The following CCDC102B variants were observed in gnomAD, a reference collection of about 807,000 sequenced individuals.
The protein encoded by CCDC102B is coiled-coil domain containing 102B, also known as coiled-coil domain-containing protein 102B.
In CCDC102B, 75 loss-of-function variants were observed where a neutral mutation model predicts 57.4. That is an observed-to-expected ratio of 1.31 (90% CI 1.08 to 1.58). The LOEUF (loss-of-function observed/expected upper bound fraction) is 1.58. Among genes scored for constraint, CCDC102B ranks in the 40% most tolerant of loss-of-function variants. The pLI is 0.00. For synonymous variants in CCDC102B, 206 were observed against 201.9 expected, an observed-to-expected ratio of 1.02 and a Z score of -0.17; for missense variants, 636 against 582.6, an observed-to-expected ratio of 1.09 and a Z score of -0.94.
chr18:68,781,877 A>G lies in CCDC102B; in HGVS notation c.-66-41489A>G, dbSNP rs569134967. Reference sequence around the variant, plus strand: ...AAAGTGAGAAAATGTTTTAATTTCAATTTTTAAGATCTAAGAGATATAACT... The same window carrying G: ...AAAGTGAGAAAATGTTTTAATTTCAGTTTTTAAGATCTAAGAGATATAACT... On this transcript the variant is annotated intron_variant, in intron 2 of 3. Coordinates refer to the CCDC102B transcript ENST00000578970. 2.4e-4 allele frequency among the ~76,000 whole-genome samples: 37 copies of G among 152,212 alleles called. 1 individual carries two copies. The highest frequency in any genetic ancestry group is 4.1e-4 in the South Asian group (2 of 4,826).
chr18:68,802,235 T>C (rs944963335), intron 1 of CCDC102B, among the ~76,000 whole-genome samples: 2 of 152,118 alleles, frequency 1.3e-5, no homozygotes, highest in African/African-American at 4.8e-5. Flanking sequence ...TTACAGGTAT[T>C]GTCAATGGTA....
At chr18:68,835,049 T>C (rs2037307838) in intron 1 of CCDC102B, among the ~76,000 whole-genome samples, 1 of 152,146 alleles carries the variant, frequency 6.6e-6, no homozygotes, top group Non-Finnish European at 1.5e-5. Flanking sequence ...CATGGAACTT[T>C]ATTAATTTAC....
chr18:69,053,408 A>G (rs183215798), intron 7 of CCDC102B, among the ~76,000 whole-genome samples: 1 of 151,854 alleles, frequency 6.6e-6, no homozygotes, highest in Non-Finnish European at 1.5e-5. Flanking sequence ...GGGAATAAAA[A>G]ACACAAGTTA....
At chr18:68,971,829 G>T (rs1001585936) in intron 6 of CCDC102B, among the ~76,000 whole-genome samples, 6 of 151,866 alleles carry the variant, frequency 4.0e-5, no homozygotes, top group Non-Finnish European at 8.8e-5. Context: ...CTACTGGATT[G>T]TACACTTATC....
At chr18:68,760,067 C>A (rs1223992749) in intron 2 of CCDC102B, among the ~76,000 whole-genome samples, 1 of 152,054 alleles carries the variant, frequency 6.6e-6, no homozygotes, top group Admixed American at 6.6e-5. Flanking sequence ...CTTCCTTCTC[C>A]ATTCTACAGG....
chr18:68,956,565 ATATATTT>A lies in CCDC102B; in HGVS notation c.1264-54363_1264-54357del, dbSNP rs1568352825. ...TATATATATAAATATTATATATATTATATATTTTATATATATAAATATTATATATATA... is the reference window on the plus strand; with the variant it reads ...TATATATATAAATATTATATATATTATATATATATAAATATTATATATATA... On this transcript the variant is annotated intron_variant, in intron 6 of 7. Transcript: ENST00000360242. 6.5e-3 allele frequency among the ~76,000 whole-genome samples: 42 copies of A among 6,454 alleles called. 2 individuals are homozygous for A. The highest frequency in any genetic ancestry group is 0.016 in the African/African-American group (41 of 2,636). The allele number at this position is 6,454 out of a possible 152,430, so 4.2% of individuals were successfully genotyped here. A position where few individuals can be genotyped will look rare whatever the true frequency, so the allele number is the denominator to read the frequency against.
At chr18:68,808,895 C>T (rs928682047) in intron 1 of CCDC102B, among the ~76,000 whole-genome samples, 9 of 152,076 alleles carry the variant, frequency 5.9e-5, no homozygotes, top group African/African-American at 2.4e-5. Context: ...TATTTAGATA[C>T]AAGATGAATT....
chr18:68,789,939 T>A (rs1343512757), intron 2 of CCDC102B, among the ~76,000 whole-genome samples: 2 of 151,810 alleles, frequency 1.3e-5, no homozygotes, highest in Non-Finnish European at 2.9e-5. Flanking sequence ...TTCTGTTCTG[T>A]TTTTTCCCCA....
At chr18:68,799,012 T>C (rs1047995289) in intron 1 of CCDC102B, among the ~76,000 whole-genome samples, 2 of 152,074 alleles carry the variant, frequency 1.3e-5, no homozygotes, top group Admixed American at 1.3e-4. Context: ...GATATTCTTA[T>C]TTACATCAAT....
intron 6 of CCDC102B, among the ~76,000 whole-genome samples, chr18:68,950,437 G>A (rs2049664341): frequency 6.6e-6 from 1 of 152,014 alleles, no homozygotes. Flanking sequence ...AATATTAATA[G>A]TAAAAAATGA....
rs538690358 is a variant in CCDC102B, at chr18:68,819,248, G to A, written c.-15-17501G>A. 7.2e-5 allele frequency among the ~76,000 whole-genome samples: 11 copies of A among 152,138 alleles called. No homozygotes were observed. The East Asian group carries it at 2.1e-3, about 29-fold the overall frequency. On this transcript the variant is annotated intron_variant, in intron 1 of 7. Transcript: ENST00000360242. Reference sequence around the variant, plus strand: ...TTTATAGTTTTGTTTTACACTTTTAGTGAGCATTCTATTGGGAACTGACTG... The same window carrying A: ...TTTATAGTTTTGTTTTACACTTTTAATGAGCATTCTATTGGGAACTGACTG...
chr18:68,969,128 C>T (rs553475212), intron 6 of CCDC102B, among the ~76,000 whole-genome samples: 41 of 152,238 alleles, frequency 2.7e-4, no homozygotes, highest in African/African-American at 9.9e-4. Flanking sequence ...CTAGAGAGAG[C>T]ATGCTTATTT....
At chr18:68,853,139 A>G (rs1056267408) in intron 4 of CCDC102B, among the ~76,000 whole-genome samples, 33 of 152,210 alleles carry the variant, frequency 2.2e-4, no homozygotes, top group African/African-American at 8.0e-4. Context: ...GACTACATAC[A>G]GTTTGTAGAT....
intron 6 of CCDC102B, among the ~76,000 whole-genome samples, chr18:68,983,524 G>A (rs2050648450): frequency 6.6e-6 from 1 of 151,960 alleles, no homozygotes; most frequent in Non-Finnish European, 1.5e-5. Flanking sequence ...TTACTAGCCA[G>A]TGATAAAATA....
At chr18:68,828,724 T>C (rs1413988711) in intron 1 of CCDC102B, among the ~76,000 whole-genome samples, 1 of 151,746 alleles carries the variant, frequency 6.6e-6, no homozygotes, top group African/African-American at 2.4e-5. Context: ...TTATTTCTTT[T>C]ATTTAAATTG....
chr18:68,854,079 A>G (rs2038267403), intron 4 of CCDC102B, among the ~76,000 whole-genome samples: 1 of 129,504 alleles, frequency 7.7e-6, no homozygotes, highest in South Asian at 2.7e-4. Flanking sequence ...TGTTAGCATA[A>G]TACTTTTTCT....
intron 6 of CCDC102B, among the ~76,000 whole-genome samples, chr18:68,941,079 A>ATTT (rs756041379): frequency 1.4e-5 from 2 of 144,214 alleles, no homozygotes; most frequent in East Asian, 2.0e-4. Flanking sequence ...ACTATTTGCT[A>ATTT]TTTATTTATT....
chr18:68,931,696 T>G (rs2041678233), intron 6 of CCDC102B, among the ~76,000 whole-genome samples: 1 of 152,056 alleles, frequency 6.6e-6, no homozygotes, highest in South Asian at 2.1e-4. Context: ...GCCTTGTTCT[T>G]GCTTTTTGCT....
chr18:68,810,693 T>TTTTTTTTTTTTTTTTTTTTTTTG (rs1568263271), intron 1 of CCDC102B, among the ~76,000 whole-genome samples: 3 of 139,294 alleles, frequency 2.2e-5, no homozygotes, highest in Non-Finnish European at 4.5e-5. Context: ...TTTTTTTTTT[T>TTTTTTTTTTTTTTTTTTTTTTTG]TTTTTTTTTT....
Sources: allele counts gnomAD v4.1 joint callset (sites outside exome capture counted in the v4.1 genomes callset), GRCh38; gene constraint gnomAD v4.1.1; transcripts MANE v1.5; gene names NCBI Gene and HGNC (gene_info 2026-07-23, HGNC 2026-07-21).